Variants in F13A1 observed in about 807,000 individuals in gnomAD.
F13A1 encodes FSF, A subunit.
A neutral mutation model predicts 80.1 loss-of-function variants in F13A1; 47 were observed. That is an observed-to-expected ratio of 0.59 (90% CI 0.46 to 0.75). The LOEUF (loss-of-function observed/expected upper bound fraction) is 0.75, where lower values mean the gene tolerates loss of function less well. F13A1 is among the 30% of genes least tolerant of loss of function. The pLI is 0.00. For missense variants in F13A1, 817 were observed against 930.4 expected, an observed-to-expected ratio of 0.88 and a Z score of 1.59; for synonymous variants, 349 against 344.9, an observed-to-expected ratio of 1.01 and a Z score of -0.13.
chr6:6,225,564 G>C (rs1757265425), intron 6 of F13A1, among the ~76,000 whole-genome samples: 1 of 152,070 alleles, frequency 6.6e-6, no homozygotes, highest in South Asian at 2.1e-4. Flanking sequence ...CTGGAATGCA[G>C]TGGCACGATC....
At chr6:6,190,133 T>C (rs1761159436) in intron 10 of F13A1, among the ~76,000 whole-genome samples, 1 of 151,802 alleles carries the variant, frequency 6.6e-6, no homozygotes, top group African/African-American at 2.4e-5. Context: ...TTCTAAATTT[T>C]TTTCAAAGTT....
intron 10 of F13A1, among the ~76,000 whole-genome samples, chr6:6,185,254 ATATC>A (rs1761058365): frequency 1.3e-5 from 2 of 149,234 alleles, no homozygotes; most frequent in South Asian, 2.2e-4. Flanking sequence ...AGCATTAGGT[ATATC>A]TCCCTATGCT....
Position 6,266,819 on chromosome 6 carries a change from G to A in F13A1, c.320-10C>T, listed in dbSNP as rs755370102. On this transcript the variant is annotated splice_polypyrimidine_tract_variant and intron_variant, in intron 3 of 14. Transcript: ENST00000264870. Reference sequence around the variant, plus strand: ...TCCTGTGGGTAGCGACCTATGAGAAGAGAGAAGAAATACTCTGTTAGGTTG... The same window carrying A: ...TCCTGTGGGTAGCGACCTATGAGAAAAGAGAAGAAATACTCTGTTAGGTTG... The A allele has an allele frequency of 1.9e-6, 3 of 1,614,016 alleles. No homozygotes were observed.
At chr6:6,167,006 A>G (rs1367802844) in intron 13 of F13A1, among the ~76,000 whole-genome samples, 1 of 152,188 alleles carries the variant, frequency 6.6e-6, no homozygotes. Context: ...CAAGCTGTAT[A>G]TTTTGATCTG....
intron 2 of F13A1, among the ~76,000 whole-genome samples, chr6:6,308,647 C>G (rs1252991769): frequency 1.7e-5 from 2 of 117,048 alleles, no homozygotes; most frequent in Admixed American, 1.2e-4. Context: ...GAGTCCTGCT[C>G]TGTTGCTCAG....
In F13A1 at chr6:6,243,293, A is replaced by T. The variant is rs1757510617; in HGVS notation, c.798+5019T>A. Among the ~76,000 whole-genome samples, 1 of 148,700 alleles carries T rather than the reference A, an allele frequency of 6.7e-6. No homozygotes were observed. Among genetic ancestry groups the T allele is most frequent in the Non-Finnish European group, 1.5e-5 (1 of 66,772 alleles). ...TCACCACCATAATCACCCTACCATCACCACCATTATTATCACAATCACTAT... is the reference window on the plus strand; with the variant it reads ...TCACCACCATAATCACCCTACCATCTCCACCATTATTATCACAATCACTAT... On this transcript the variant is annotated intron_variant, in intron 6 of 14. Coordinates refer to ENST00000264870, the MANE Select transcript of F13A1 (RefSeq NM_000129.4). This position sits in a 1 kb window ranked among gnomAD's most constrained non-coding sequence, Gnocchi z 4.2.
At chr6:6,174,410 AAG>A in intron 12 of F13A1, among the ~76,000 whole-genome samples, 168 bp downstream of exon 12, 1 of 101,864 alleles carries the variant, frequency 9.8e-6, no homozygotes, top group East Asian at 2.4e-4. Context: ...AATAAAAAAA[AAG>A]AAAGTGGAGG....
chr6:6,232,595 C>A (rs1354973992), intron 6 of F13A1, among the ~76,000 whole-genome samples: 1 of 152,096 alleles, frequency 6.6e-6, no homozygotes, highest in Non-Finnish European at 1.5e-5. Context: ...TACCTTGGAA[C>A]AAATGGACTT....
intron 13 of F13A1, among the ~76,000 whole-genome samples, chr6:6,159,273 C>G (rs193069099): frequency 3.8e-4 from 58 of 152,166 alleles, no homozygotes; most frequent in South Asian, 6.2e-4. Flanking sequence ...AGATCAGCAG[C>G]CACCACAGCC....
chr6:6,238,715 CATAT>C (rs4053228), intron 6 of F13A1, among the ~76,000 whole-genome samples: 8 of 145,956 alleles, frequency 5.5e-5, no homozygotes, highest in African/African-American at 1.0e-4. Flanking sequence ...AAACATGCTG[CATAT>C]ATATATATAT....
intron 4 of F13A1, among the ~76,000 whole-genome samples, chr6:6,251,222 T>G (rs1214991971): frequency 6.6e-6 from 1 of 152,260 alleles, no homozygotes; most frequent in Non-Finnish European, 1.5e-5. Context: ...TTAAACATTT[T>G]ATGATTCTGT....
intron 8 of F13A1, among the ~76,000 whole-genome samples, chr6:6,200,081 G>T (rs1340182832): frequency 2.6e-5 from 4 of 152,224 alleles, no homozygotes; most frequent in African/African-American, 4.8e-5. Flanking sequence ...TTCTGGGCAG[G>T]ATGAGCTTGA....
At chr6:6,205,666 T>C (rs1313164640) in intron 8 of F13A1, among the ~76,000 whole-genome samples, 3 of 152,212 alleles carry the variant, frequency 2.0e-5, no homozygotes, top group African/African-American at 7.2e-5. Flanking sequence ...CCAGCTTTCT[T>C]TTTTTCTTCT....
chr6:6,285,857 G>C (rs1251289322), intron 3 of F13A1, among the ~76,000 whole-genome samples: 4 of 152,228 alleles, frequency 2.6e-5, no homozygotes, highest in African/African-American at 9.7e-5. Flanking sequence ...CAGCAGTTGG[G>C]TGAGTGGGCT....
chr6:6,150,215 G>T lies in F13A1; in HGVS notation c.2045+1598C>A, dbSNP rs1324696411. On this transcript the variant is annotated intron_variant, in intron 14 of 14. Transcript: ENST00000264870. ...CAGGGGGCTGTATGGAAGAGGAAAC[G>T]TGTTTCACTTTGCCTGAACGATTCT... Among the ~76,000 whole-genome samples the T allele has an allele frequency of 2.6e-5, 4 of 152,178 alleles. No homozygotes were observed. In the South Asian group the frequency reaches 8.3e-4, roughly 32 times the overall value.
chr6:6,250,932 GC>G lies in F13A1; in HGVS notation c.572-4del, dbSNP rs769059174. 7.7e-5 allele frequency: 122 copies of G among 1,583,758 alleles called. No individual in the cohort carries two copies. Among genetic ancestry groups the G allele is most frequent in the Non-Finnish European group, 6.9e-5 (80 of 1,153,338 alleles). On this transcript the variant is annotated splice_region_variant and splice_polypyrimidine_tract_variant and intron_variant, in intron 4 of 14. Coordinates refer to ENST00000264870, the MANE Select transcript of F13A1 (RefSeq NM_000129.4). This position sits in a 1 kb window ranked among gnomAD's most constrained non-coding sequence, Gnocchi z 4.2. ...ATTGTCCAGATACACAGCATCATCT[GC>G]ATCAGGGTTTAAACATAGTGACTAT...
At chr6:6,281,399 T>C (rs777251378) in intron 3 of F13A1, among the ~76,000 whole-genome samples, 3 of 152,136 alleles carry the variant, frequency 2.0e-5, no homozygotes, top group Non-Finnish European at 2.9e-5. Flanking sequence ...TCAGACCAGG[T>C]ATACCAGGAC....
intron 3 of F13A1, among the ~76,000 whole-genome samples, chr6:6,281,857 G>C (rs1022923943): frequency 6.6e-6 from 1 of 152,060 alleles, no homozygotes; most frequent in Non-Finnish European, 1.5e-5. Flanking sequence ...GCCAGGCCTG[G>C]TGGCGGGCGC....
chr6:6,152,281 A>G (rs1390769294), intron 13 of F13A1, among the ~76,000 whole-genome samples: 1 of 152,202 alleles, frequency 6.6e-6, no homozygotes, highest in Non-Finnish European at 1.5e-5. Context: ...AGGGCGGCCA[A>G]GTGAACTTTG....
Sources: gnomAD v4.1 joint callset for allele counts (sites outside exome capture counted in the v4.1 genomes callset) on GRCh38, gnomAD v4.1.1 for gene constraint, Gnocchi (gnomAD v3.1) non-coding constraint, MANE v1.5 for transcripts, NCBI Gene and HGNC (gene_info 2026-07-23, HGNC 2026-07-21) for gene names.